The following CSGALNACT1 variants were observed in gnomAD, a reference collection of about 807,000 sequenced individuals.
CSGALNACT1 encodes chondroitin sulfate N-acetylgalactosaminyltransferase 1.
A neutral mutation model predicts 51.0 loss-of-function variants in CSGALNACT1; 52 were observed. That is an observed-to-expected ratio of 1.02 (90% CI 0.82 to 1.29). The LOEUF (loss-of-function observed/expected upper bound fraction) is 1.29. Among genes scored for constraint, CSGALNACT1 ranks in the 50% most tolerant of loss-of-function variants. CSGALNACT1 has a pLI of 0.00. For missense variants in CSGALNACT1, 935 were observed against 679.2 expected (o/e 1.38, Z -4.19); for synonymous variants, 341 against 254.4 (o/e 1.34, Z -3.24).
At chr8:19,754,964 C>T (rs1167495150) in intron 1 of CSGALNACT1, among the ~76,000 whole-genome samples, 1 of 152,146 alleles carries the variant, frequency 6.6e-6, no homozygotes, top group African/African-American at 2.4e-5. Flanking sequence ...GTAGGGCTAA[C>T]ATTTAGAATC....
chr8:19,450,255 G>A (rs931787393), intron 5 of CSGALNACT1, among the ~76,000 whole-genome samples: 3 of 87,128 alleles, frequency 3.4e-5, no homozygotes, highest in African/African-American at 4.6e-5. Context: ...AGAGGGGGAG[G>A]AACAGGGGAG....
intron 1 of CSGALNACT1, among the ~76,000 whole-genome samples, chr8:19,623,978 T>G (rs2054143405): frequency 6.6e-6 from 1 of 152,224 alleles, no homozygotes; most frequent in Admixed American, 6.5e-5. Flanking sequence ...GCGAAATATT[T>G]TAGATCCGGT....
chr8:19,482,418 C>A (rs2071663046), intron 4 of CSGALNACT1, among the ~76,000 whole-genome samples: 1 of 152,080 alleles, frequency 6.6e-6, no homozygotes, highest in South Asian at 2.1e-4. Context: ...TTATTTCTGC[C>A]CCTACCACTC....
At chr8:19,451,266 T>C (rs1325684881) in intron 5 of CSGALNACT1, among the ~76,000 whole-genome samples, 2 of 152,188 alleles carry the variant, frequency 1.3e-5, no homozygotes, top group African/African-American at 2.4e-5. Flanking sequence ...CCTTGCCTGT[T>C]GGGATGTCCT....
intron 4 of CSGALNACT1, chr8:19,495,333 A>G (rs181798495): frequency 1.3e-5 from 2 of 152,356 alleles, no homozygotes; most frequent in African/African-American, 4.8e-5. Context: ...ATTCATTTGT[A>G]AGTTACTCAG....
At chr8:19,413,486 A>T (rs2056286254) in intron 8 of CSGALNACT1, among the ~76,000 whole-genome samples, 1 of 152,174 alleles carries the variant, frequency 6.6e-6, no homozygotes, top group Admixed American at 6.5e-5. Flanking sequence ...AGGCTCCATA[A>T]AGGGCCTCTG....
At chr8:19,686,762 G>A (rs528829588), upstream of CSGALNACT1, among the ~76,000 whole-genome samples, 116 of 152,280 alleles carry the variant, frequency 7.6e-4, no homozygotes, top group African/African-American at 2.6e-3. Context: ...AACCTCAGAA[G>A]GGAACATTCA....
intron 3 of CSGALNACT1, among the ~76,000 whole-genome samples, chr8:19,523,826 G>A (rs1056107522): frequency 2.6e-5 from 4 of 152,092 alleles, no homozygotes; most frequent in African/African-American, 2.4e-5. Flanking sequence ...TTATGTCAAG[G>A]GAATGTGATC....
chr8:19,451,058 G>A (rs2063104776), intron 5 of CSGALNACT1, among the ~76,000 whole-genome samples: 1 of 152,178 alleles, frequency 6.6e-6, no homozygotes, highest in Admixed American at 6.5e-5. Context: ...CAATACTCAA[G>A]CTTTAGTGTC....
intron 1 of CSGALNACT1, among the ~76,000 whole-genome samples, chr8:19,620,604 G>C (rs2053694761): frequency 6.6e-6 from 1 of 151,878 alleles, no homozygotes; most frequent in Non-Finnish European, 1.5e-5. Flanking sequence ...GCTAATTTAT[G>C]TTTTTGTATT....
intron 4 of CSGALNACT1, among the ~76,000 whole-genome samples, chr8:19,471,444 G>C (rs1357845040): frequency 1.3e-5 from 2 of 151,984 alleles, no homozygotes; most frequent in Non-Finnish European, 2.9e-5. Flanking sequence ...TCTTTCAAGT[G>C]AATGTTCCTT....
intron 4 of CSGALNACT1, among the ~76,000 whole-genome samples, chr8:19,472,112 C>T (rs1051210093): frequency 5.9e-5 from 9 of 152,106 alleles, no homozygotes; most frequent in African/African-American, 2.2e-4. Flanking sequence ...GTTTAAGAGG[C>T]CAGTCAGCAA....
At chr8:19,534,631 G>C (rs1334064219) in intron 3 of CSGALNACT1, among the ~76,000 whole-genome samples, 3 of 152,006 alleles carry the variant, frequency 2.0e-5, no homozygotes, top group Non-Finnish European at 2.9e-5. Flanking sequence ...AATCCACCAA[G>C]AACTATTTCT....
At chr8:19,587,304 A>G (rs2046864099) in intron 3 of CSGALNACT1, among the ~76,000 whole-genome samples, 1 of 152,350 alleles carries the variant, frequency 6.6e-6, no homozygotes, top group South Asian at 2.1e-4. Context: ...ACACTGGCTT[A>G]GTCTACGACT....
chr8:19,623,806 G>T (rs1589105378), intron 1 of CSGALNACT1, among the ~76,000 whole-genome samples: 1 of 152,314 alleles, frequency 6.6e-6, no homozygotes, highest in Non-Finnish European at 1.5e-5. Flanking sequence ...AAGCCAGAAT[G>T]GGCTTTTCAT....
At chr8:19,495,645 G>A (rs756912986) in intron 4 of CSGALNACT1, among the ~76,000 whole-genome samples, 1 of 152,202 alleles carries the variant, frequency 6.6e-6, no homozygotes. Flanking sequence ...GATAGGTGCA[G>A]AGAAACAAAG....
chr8:19,690,806 G>C (rs948692848), intron 1 of CSGALNACT1, among the ~76,000 whole-genome samples: 1 of 152,178 alleles, frequency 6.6e-6, no homozygotes, highest in Non-Finnish European at 1.5e-5. Flanking sequence ...TTTGCTCAAC[G>C]GGTAATTTGG....
intron 8 of CSGALNACT1, among the ~76,000 whole-genome samples, chr8:19,414,979 C>G (rs1308886978): frequency 6.6e-6 from 1 of 152,168 alleles, no homozygotes; most frequent in Non-Finnish European, 1.5e-5. Flanking sequence ...CTAAATAATC[C>G]ATCTCCATTC....
At chr8:19,505,969 G>T in exon 4 of CSGALNACT1, 1 of 977,886 alleles carries the variant, frequency 1.0e-6, no homozygotes, top group Non-Finnish European at 1.6e-6. Context: ...TTTCCTTCTA[G>T]AACGAGTTCT....
Sources: gnomAD v4.1 joint callset for allele counts (sites outside exome capture counted in the v4.1 genomes callset) on GRCh38, gnomAD v4.1.1 for gene constraint, MANE v1.5 for transcripts, NCBI Gene and HGNC (gene_info 2026-07-23, HGNC 2026-07-21) for gene names.